Variants in NUP155 observed in about 807,000 individuals in gnomAD.
NUP155 encodes nuclear pore complex protein Nup155.
Under a neutral mutation model 180.4 loss-of-function variants are expected in NUP155, and 71 were observed. The observed-to-expected ratio is 0.39, with a 90% confidence interval of 0.33 to 0.48. The LOEUF is 0.48. NUP155 is among the 20% of genes least tolerant of loss of function. The probability of loss-of-function intolerance (pLI) is 0.91; values close to 1 mark genes in which losing one functional copy is unlikely to be tolerated. For missense variants in NUP155, 1,553 were observed against 1,648.9 expected (o/e 0.94, Z 1.01); for synonymous variants, 582 against 559.5 (o/e 1.04, Z -0.57).
intron 21 of NUP155, among the ~76,000 whole-genome samples, chr5:37,316,098 G>A (rs1459632451): frequency 6.6e-6 from 1 of 152,200 alleles, no homozygotes; most frequent in Non-Finnish European, 1.5e-5. Flanking sequence ...GCTTTAATTT[G>A]TATTTGTTCA....
At position 37,342,554 on chromosome 5, in the gene NUP155, T is replaced by C; in HGVS notation, c.1088A>G (p.His363Arg). The part of the protein sequence containing the change: ...SLDCQLLAVT[H>R]AGVRLYFSTC... ...ATGTAAATAAAACAACATACCTGCA[T>C]GTGTGACAGCCAATAACTGACAGTC... Residue 363 changes from histidine to arginine, a missense_variant, in exon 10 of 35, where the codon CAT becomes CGT. His to Arg is a conservative substitution (Grantham distance 29). Coordinates refer to ENST00000231498, the MANE Select transcript of NUP155 (RefSeq NM_153485.3). The C allele has an allele frequency of 5.0e-6, 8 of 1,598,502 alleles. No individual in the cohort carries two copies. Among genetic ancestry groups the C allele is most frequent in the African/African-American group, 1.3e-5 (1 of 74,734 alleles).
At chr5:37,349,278 A>G in intron 7 of NUP155, 33 bp from the exon 8 acceptor site, 2 of 695,788 alleles carry the variant, frequency 2.9e-6, no homozygotes, top group Non-Finnish European at 2.4e-6. Flanking sequence ...AAAGAGAAAA[A>G]AGTAAACCCA....
chr5:37,357,399 C>CAAAAAA (rs397997409), intron 4 of NUP155, among the ~76,000 whole-genome samples: 42 of 31,284 alleles, frequency 1.3e-3, no homozygotes, highest in East Asian at 2.2e-3. Flanking sequence ...ACCTTAATCT[C>CAAAAAA]AAAAAAAAAA....
intron 14 of NUP155, among the ~76,000 whole-genome samples, chr5:37,331,270 A>T (rs1325864563): frequency 1.3e-5 from 2 of 152,050 alleles, no homozygotes; most frequent in Non-Finnish European, 2.9e-5. Context: ...AGAAAGGAAT[A>T]TTGTTAAGAT....
intron 34 of NUP155, among the ~76,000 whole-genome samples, chr5:37,292,281 T>C (rs1742276650): frequency 6.6e-6 from 1 of 151,816 alleles, no homozygotes; most frequent in Admixed American, 6.6e-5. Context: ...AGTGGCGCCA[T>C]CTCGGCTCAC....
intron 3 of NUP155, among the ~76,000 whole-genome samples, chr5:37,363,632 T>G (rs1747358201): frequency 6.6e-6 from 1 of 152,206 alleles, no homozygotes; most frequent in Non-Finnish European, 1.5e-5. Flanking sequence ...CCCGGGCTCC[T>G]GCCACTCAAG....
rs57420829 is a variant in NUP155 at position 37,312,855 on chromosome 5, CATT to C, written c.2436+1340_2436+1342del. Among the ~76,000 whole-genome samples the C allele has an allele frequency of 7.6e-3, 1,150 of 152,168 alleles. 19 individuals carry two copies. Among genetic ancestry groups the C allele is most frequent in the African/African-American group, 0.026 (1,077 of 41,520 alleles). On this transcript the variant is annotated intron_variant, in intron 22 of 34. Coordinates refer to ENST00000231498, the MANE Select transcript of NUP155 (RefSeq NM_153485.3). ...AAGAAAAACTGGTAACTGATCATGA[CATT>C]GTTGTTGTTCAAGGAACTGTCTATT...
chr5:37,365,746 T>TAA (rs1747534739), intron 1 of NUP155, among the ~76,000 whole-genome samples: 1 of 52,842 alleles, frequency 1.9e-5, no homozygotes, highest in Non-Finnish European at 4.2e-5. Flanking sequence ...AAAATATATA[T>TAA]ATATATACAC....
chr5:37,291,945 A>C lies in NUP155; in HGVS notation c.4131T>G (p.Thr1377=), dbSNP rs930690150. ...MSSSVAVQAI[T]GNFKSLQAKL... is the part of the protein sequence containing the mutation. ...TAGCTTGAAGAGATTTAAAATTCCCAGTGATGGCTTGTACTGCTACTGACG... is the reference window on the plus strand; with the variant it reads ...TAGCTTGAAGAGATTTAAAATTCCCCGTGATGGCTTGTACTGCTACTGACG... Residue 1377 remains threonine, a synonymous_variant, in exon 35 of 35, where the codon ACT becomes ACG. Coordinates refer to ENST00000231498, the MANE Select transcript of NUP155 (RefSeq NM_153485.3). 2 of 1,614,106 alleles carry C rather than the reference A, an allele frequency of 1.2e-6. No individual in the cohort carries two copies. Among genetic ancestry groups the C allele is most frequent in the South Asian group, 2.2e-5 (2 of 91,088 alleles).
chr5:37,295,452 C>A (rs1742485405), intron 32 of NUP155, among the ~76,000 whole-genome samples: 1 of 152,124 alleles, frequency 6.6e-6, no homozygotes. Flanking sequence ...AGATTGCAGC[C>A]TCTGCCCGGC....
chr5:37,304,616 T>C (rs1250230221), intron 27 of NUP155, 123 bp downstream of exon 27: 8 of 743,948 alleles, frequency 1.1e-5, no homozygotes, highest in Admixed American at 6.6e-5. Context: ...CTCAGCTTTA[T>C]ACTAACATCT....
At position 37,310,692 on chromosome 5, in the gene NUP155, C is replaced by A. The variant is rs1561774970; in HGVS notation, c.2488G>T (p.Asp830Tyr). 1 of 1,613,664 alleles carries A rather than the reference C, an allele frequency of 6.2e-7. No individual in the cohort carries two copies. Among genetic ancestry groups the A allele is most frequent in the Non-Finnish European group, 8.5e-7 (1 of 1,179,902 alleles). Residue 830 changes from aspartate to tyrosine, a missense_variant, in exon 23 of 35, where the codon GAC becomes TAC. Asp to Tyr is a radical substitution (Grantham distance 160). Transcript: ENST00000231498. ...ATTAATGCCCCTGTGAGTTCTTTGT[C>A]CCTGATTACAAGATCTTTAAAGGTG... ...ITTFKDLVIR[D>Y]KELTGALIAS...
chr5:37,333,814 T>G (rs990595574), intron 12 of NUP155, among the ~76,000 whole-genome samples, 181 bp from the exon 13 acceptor site: 3 of 151,974 alleles, frequency 2.0e-5, no homozygotes, highest in African/African-American at 7.2e-5. Flanking sequence ...GGGTTTTTGT[T>G]TTTTGTTTTT....
intron 20 of NUP155, among the ~76,000 whole-genome samples, chr5:37,322,228 C>T (rs1286027117): frequency 6.6e-6 from 1 of 152,174 alleles, no homozygotes; most frequent in Non-Finnish European, 1.5e-5. Context: ...TTCAAGCAAT[C>T]CTCCTGCCTT....
chr5:37,344,390 T>C (rs1237450135), intron 9 of NUP155, among the ~76,000 whole-genome samples: 3 of 140,970 alleles, frequency 2.1e-5, no homozygotes, highest in African/African-American at 7.8e-5. Context: ...ATAAAATACA[T>C]ATAAACATCA....
rs758355519 is a variant in NUP155, at chr5:37,341,187, A to T, written c.1149T>A (p.Asn383Lys). ...AGCGGACATGAACCAGCGTCAGTGT[A>T]TTAGGCCGTGCTAATGGCTGTCTGA... ...CPFRQPLARP[N>K]TLTLVHVRLP... The change falls in exon 11 of 35, where the codon AAT becomes AAA. Residue 383 changes from asparagine (N) to lysine (K), a missense_variant. Asn to Lys is a moderately conservative substitution (Grantham distance 94). Transcript: ENST00000231498. The T allele has an allele frequency of 6.2e-7, 1 of 1,614,030 alleles. No homozygotes were observed. The highest frequency in any genetic ancestry group is 1.1e-5 in the South Asian group (1 of 91,086).
At chr5:37,359,266 G>A (rs1326198320) in intron 3 of NUP155, among the ~76,000 whole-genome samples, 1 of 151,764 alleles carries the variant, frequency 6.6e-6, no homozygotes, top group Non-Finnish European at 1.5e-5. Context: ...CAGGGATCCA[G>A]ACCTGCTTAT....
chr5:37,304,940 T>A (rs555552266), intron 26 of NUP155, 97 bp from the exon 27 acceptor site: 2 of 1,507,060 alleles, frequency 1.3e-6, no homozygotes, highest in Middle Eastern at 2.0e-4. Flanking sequence ...AAATCAAGAA[T>A]CCTTACATGA....
chr5:37,358,770 G>A (rs556120418), intron 3 of NUP155, among the ~76,000 whole-genome samples: 2 of 152,292 alleles, frequency 1.3e-5, no homozygotes, highest in South Asian at 2.1e-4. Flanking sequence ...TGTAAACCCA[G>A]CACTTTGGGA....
Sources: allele counts gnomAD v4.1 joint callset (sites outside exome capture counted in the v4.1 genomes callset), GRCh38; gene constraint gnomAD v4.1.1; transcripts MANE v1.5; gene names NCBI Gene and HGNC (gene_info 2026-07-23, HGNC 2026-07-21).